Variants in DLG1 observed in about 807,000 individuals in gnomAD.
The protein encoded by DLG1 is disks large homolog 1.
In DLG1, 42 loss-of-function variants were observed where a neutral mutation model predicts 123.4. That is an observed-to-expected ratio of 0.34 (90% CI 0.27 to 0.44). The LOEUF is 0.44. Ranked by LOEUF, DLG1 falls within the 20% of genes least tolerant of loss-of-function variation. The pLI, the probability that DLG1 is intolerant of heterozygous loss-of-function variation, is 1.00. For missense variants in DLG1, 942 were observed against 1,082.6 expected, an observed-to-expected ratio of 0.87 and a Z score of 1.82; for synonymous variants, 317 against 356.2, an observed-to-expected ratio of 0.89 and a Z score of 1.24.
intron 10 of DLG1, among the ~76,000 whole-genome samples, chr3:197,135,551 T>C (rs1784669268): frequency 1.3e-5 from 2 of 152,312 alleles, no homozygotes; most frequent in South Asian, 4.1e-4. Flanking sequence ...TCTCGGGTAA[T>C]TCTTCATAGC....
At chr3:197,050,374 A>G (rs975951669) in intron 24 of DLG1, among the ~76,000 whole-genome samples, 2 of 149,634 alleles carry the variant, frequency 1.3e-5, no homozygotes, top group Non-Finnish European at 3.0e-5. Context: ...TTCAAAAAAA[A>G]ACAACAACAA....
intron 4 of DLG1, among the ~76,000 whole-genome samples, chr3:197,226,963 C>G (rs2150565042): frequency 6.6e-6 from 1 of 152,274 alleles, no homozygotes; most frequent in South Asian, 2.1e-4. Flanking sequence ...TAAAATCTTG[C>G]ACACAGATGT....
At chr3:197,100,978 C>T (rs1188053140) in intron 14 of DLG1, among the ~76,000 whole-genome samples, 1 of 152,132 alleles carries the variant, frequency 6.6e-6, no homozygotes, top group Non-Finnish European at 1.5e-5. Context: ...CTGTTTCTCC[C>T]TCCTTCCTTT....
intron 11 of DLG1, among the ~76,000 whole-genome samples, chr3:197,123,833 G>GA (rs1168858244): frequency 2.0e-5 from 3 of 152,150 alleles, no homozygotes; most frequent in African/African-American, 7.2e-5. Context: ...ACAGTAAAAT[G>GA]AAAAAAATTG....
chr3:197,162,399 A>T (rs1325033032), intron 5 of DLG1, among the ~76,000 whole-genome samples: 3 of 152,176 alleles, frequency 2.0e-5, no homozygotes, highest in African/African-American at 7.2e-5. Context: ...TTGTTTAGTA[A>T]TAAGACCCAT....
chr3:197,089,418 T>C (rs12374173), intron 15 of DLG1, among the ~76,000 whole-genome samples: 37,873 of 151,520 alleles, frequency 0.25, 5,742 homozygotes, highest in East Asian at 0.72. Context: ...TCCCAGCTAC[T>C]TGGGGGGCTG....
chr3:197,093,612 C>T (rs1226320820), intron 14 of DLG1, among the ~76,000 whole-genome samples: 2 of 147,226 alleles, frequency 1.4e-5, no homozygotes, highest in African/African-American at 5.0e-5. Context: ...TTAACCTTTA[C>T]TTCTTTGTGG....
intron 14 of DLG1, among the ~76,000 whole-genome samples, chr3:197,100,917 TCTC>T (rs1325551185): frequency 6.6e-6 from 1 of 152,148 alleles, no homozygotes. Context: ...CCCCATCTCT[TCTC>T]CTAAAAACTT....
intron 5 of DLG1, among the ~76,000 whole-genome samples, chr3:197,181,860 C>G (rs573178408): frequency 6.6e-6 from 1 of 152,134 alleles, no homozygotes; most frequent in Non-Finnish European, 1.5e-5. Context: ...CAGGAATGCT[C>G]TGAACCAAAC....
At chr3:197,128,793 C>A (rs1333401760) in intron 11 of DLG1, among the ~76,000 whole-genome samples, 1 of 152,106 alleles carries the variant, frequency 6.6e-6, no homozygotes, top group East Asian at 1.9e-4. Flanking sequence ...AGCTCTTGGG[C>A]AGCTAGGTGC....
intron 18 of DLG1, among the ~76,000 whole-genome samples, chr3:197,075,300 G>T (rs1746433632): frequency 7.7e-6 from 1 of 129,548 alleles, no homozygotes; most frequent in Admixed American, 8.9e-5. Flanking sequence ...TACTCTTGTG[G>T]TAACTTATAA....
chr3:197,232,069 T>C (rs1743441866), intron 4 of DLG1, among the ~76,000 whole-genome samples: 1 of 152,252 alleles, frequency 6.6e-6, no homozygotes, highest in Admixed American at 6.5e-5. Flanking sequence ...ATTTGCTTTG[T>C]GTATTACTAT....
intron 4 of DLG1, among the ~76,000 whole-genome samples, chr3:197,268,604 G>T (rs894929590): frequency 6.6e-6 from 1 of 151,408 alleles, no homozygotes; most frequent in African/African-American, 2.4e-5. Flanking sequence ...TTTTTTGTAG[G>T]GATGGGGTCT....
At position 197,207,848 on chromosome 3, in the gene DLG1, A is replaced by G. The variant is rs886975077; in HGVS notation, c.319-13259T>C. Among the ~76,000 whole-genome samples, 18 of 145,982 alleles carry G rather than the reference A, an allele frequency of 1.2e-4. 3 individuals are homozygous for G. Among genetic ancestry groups the G allele is most frequent in the Non-Finnish European group, 2.8e-4 (18 of 65,088 alleles). On this transcript the variant is annotated intron_variant, in intron 4 of 24. Coordinates refer to ENST00000667157, the MANE Select transcript of DLG1 (RefSeq NM_001366207.1). ...GAAGATTTTTTTAAATGAGACTATA[A>G]CACAAGATTCTTCTAGAGAAATTCT...
intron 4 of DLG1, among the ~76,000 whole-genome samples, chr3:197,252,171 A>G (rs1166700599): frequency 6.6e-6 from 1 of 152,292 alleles, no homozygotes; most frequent in Middle Eastern, 3.4e-3. Flanking sequence ...AATAAAAGGA[A>G]TATGAAAGGG....
intron 4 of DLG1, among the ~76,000 whole-genome samples, chr3:197,218,897 C>T (rs1313680221): frequency 1.3e-5 from 2 of 152,140 alleles, no homozygotes; most frequent in Non-Finnish European, 2.9e-5. Context: ...TTTGGGAAGC[C>T]GAGGCGGGCG....
At chr3:197,255,938 A>C (rs1756643926) in intron 4 of DLG1, among the ~76,000 whole-genome samples, 1 of 152,186 alleles carries the variant, frequency 6.6e-6, no homozygotes, top group Non-Finnish European at 1.5e-5. Flanking sequence ...GTTCACACAG[A>C]AAAAATAATG....
At chr3:197,297,470 CGAAA>C (rs1284342578) in intron 1 of DLG1, 59 of 1,333,838 alleles carry the variant, frequency 4.4e-5, no homozygotes, top group Non-Finnish European at 5.7e-5. Flanking sequence ...AAACTCTCCT[CGAAA>C]GCGTCCCCTC....
At chr3:197,293,950 G>C (rs530868280) in intron 3 of DLG1, 2 of 153,084 alleles carry the variant, frequency 1.3e-5, no homozygotes, top group Admixed American at 1.3e-4. Context: ...TTCTGAGTCG[G>C]ATTTTTCTGC....
Sources: allele counts gnomAD v4.1 joint callset (sites outside exome capture counted in the v4.1 genomes callset), GRCh38; gene constraint gnomAD v4.1.1; transcripts MANE v1.5; gene names NCBI Gene and HGNC (gene_info 2026-07-23, HGNC 2026-07-21).